PIK3C2G: variants seen among roughly 807,000 people sequenced by gnomAD.
The protein encoded by PIK3C2G is phosphatidylinositol-4-phosphate 3-kinase catalytic subunit type 2 gamma.
PIK3C2G carries 168 observed loss-of-function variants against 181.1 expected under a neutral mutation model. That is an observed-to-expected ratio of 0.93 (90% CI 0.82 to 1.05). The LOEUF is 1.05. Among genes scored for constraint, PIK3C2G ranks in the 50% least tolerant of loss-of-function variants. The probability of loss-of-function intolerance (pLI) is 0.00; values close to 1 mark genes in which losing one functional copy is unlikely to be tolerated. For synonymous variants in PIK3C2G, 573 were observed against 592.2 expected (o/e 0.97, Z 0.47); for missense variants, 1,869 against 1,732.8 (o/e 1.08, Z -1.40).
chr12:18,695,151 G>A, the PIK3C2G span: 1 of 1,404,902 alleles, frequency 7.1e-7, no homozygotes, highest in South Asian at 1.2e-5. Context: ...ACCACTTACT[G>A]AAATCTAATA....
intron 31 of PIK3C2G, among the ~76,000 whole-genome samples, chr12:18,618,392 A>C (rs1017300799): frequency 6.6e-6 from 1 of 152,214 alleles, no homozygotes; most frequent in Non-Finnish European, 1.5e-5. Context: ...ATATCAGAAC[A>C]AAAAAGCCTT....
At chr12:18,361,599 G>A (rs1461723277) in intron 11 of PIK3C2G, among the ~76,000 whole-genome samples, 1 of 151,668 alleles carries the variant, frequency 6.6e-6, no homozygotes, top group African/African-American at 2.4e-5. Flanking sequence ...CCTTTCATAT[G>A]AGCACATCTT....
At chr12:18,358,676 C>T in intron 11 of PIK3C2G, 1 of 498,058 alleles carries the variant, frequency 2.0e-6, no homozygotes, top group Admixed American at 2.1e-5. Context: ...TCCTGTCCCA[C>T]AAAATCCTCA....
intron 29 of PIK3C2G, among the ~76,000 whole-genome samples, chr12:18,582,462 G>A (rs753922266): frequency 1.6e-4 from 25 of 152,030 alleles, no homozygotes; most frequent in African/African-American, 2.4e-4. Flanking sequence ...TTGGCGGAGC[G>A]GCCACTAAGA....
chr12:18,663,806 G>C, the PIK3C2G span, among the ~76,000 whole-genome samples: 1 of 151,942 alleles, frequency 6.6e-6, no homozygotes, highest in Non-Finnish European at 1.5e-5. Context: ...CAGAGAAAAA[G>C]GCAATATACA....
intron 29 of PIK3C2G, among the ~76,000 whole-genome samples, chr12:18,584,989 AT>A (rs1946696789): frequency 6.6e-6 from 1 of 152,204 alleles, no homozygotes; most frequent in African/African-American, 2.4e-5. Flanking sequence ...AAATAAGCAA[AT>A]GCTGATGGAG....
chr12:18,566,965 C>T lies in PIK3C2G; in HGVS notation c.3919C>T (p.His1307Tyr). The part of the protein sequence containing the change: ...LTLPEFPHWW[H>Y]LPFTNSDHRR... ...TTAAAACAGGTTTCCTCATTGGTGG[C>T]ACCTACCTTTTACAAATTCAGATCA... Residue 1307 changes from histidine to tyrosine, a missense_variant, in exon 29 of 33, where the codon CAC (histidine) becomes TAC (tyrosine). Physicochemically the swap from His to Tyr is moderately conservative, Grantham distance 83. Transcript: ENST00000538779. 1.3e-6 allele frequency: 2 copies of T among 1,590,556 alleles called. No individual in the cohort carries two copies. The highest frequency in any genetic ancestry group is 2.2e-5 in the South Asian group (2 of 89,924).
intron 24 of PIK3C2G, among the ~76,000 whole-genome samples, chr12:18,533,896 CAT>C (rs1360406206): frequency 2.1e-5 from 3 of 144,934 alleles, no homozygotes; most frequent in South Asian, 4.5e-4. Flanking sequence ...AGAAGGAAAA[CAT>C]GTGAAAGTAA....
At chr12:18,316,701 G>A (rs1429074732) in intron 6 of PIK3C2G, among the ~76,000 whole-genome samples, 1 of 152,004 alleles carries the variant, frequency 6.6e-6, no homozygotes, top group Non-Finnish European at 1.5e-5. Context: ...CTGCACTCCA[G>A]CCTGGGTGAC....
At chr12:18,431,121 G>A (rs1354489002) in intron 18 of PIK3C2G, among the ~76,000 whole-genome samples, 2 of 152,066 alleles carry the variant, frequency 1.3e-5, no homozygotes, top group Non-Finnish European at 2.9e-5. Context: ...CCTAATGCCT[G>A]AAATTCTCTC....
the PIK3C2G span, among the ~76,000 whole-genome samples, chr12:18,698,574 C>G: frequency 1.3e-5 from 2 of 152,236 alleles, no homozygotes; most frequent in Non-Finnish European, 2.9e-5. Flanking sequence ...TTTCTCAAGT[C>G]AATTGCAGGT....
chr12:18,258,185 G>A (rs1948167809), upstream of PIK3C2G, among the ~76,000 whole-genome samples: 2 of 152,048 alleles, frequency 1.3e-5, no homozygotes, highest in South Asian at 4.2e-4. Flanking sequence ...CTTTTATATT[G>A]TATATATTTA....
intron 18 of PIK3C2G, among the ~76,000 whole-genome samples, chr12:18,475,870 C>G (rs921800679): frequency 6.6e-6 from 1 of 151,850 alleles, no homozygotes; most frequent in East Asian, 1.9e-4. Context: ...GGCTCATATT[C>G]CAAAATTTTA....
At chr12:18,514,394 G>C (rs750537064) in intron 24 of PIK3C2G, among the ~76,000 whole-genome samples, 1 of 151,650 alleles carries the variant, frequency 6.6e-6, no homozygotes, top group Admixed American at 6.6e-5. Context: ...CTGAACACAG[G>C]GTCTTTCTAT....
intron 1 of PIK3C2G, among the ~76,000 whole-genome samples, chr12:18,263,054 T>A (rs1948317153): frequency 6.6e-6 from 1 of 152,178 alleles, no homozygotes; most frequent in Admixed American, 6.6e-5. Flanking sequence ...TATTATGATT[T>A]ATTTTTCTGT....
intron 31 of PIK3C2G, among the ~76,000 whole-genome samples, chr12:18,633,084 C>T (rs1949419679): frequency 6.6e-6 from 1 of 152,174 alleles, no homozygotes; most frequent in Admixed American, 6.5e-5. Flanking sequence ...CATGATACAA[C>T]TGTGCTCCAT....
chr12:18,274,319 T>C (rs1243780222), intron 1 of PIK3C2G, among the ~76,000 whole-genome samples: 2 of 152,180 alleles, frequency 1.3e-5, no homozygotes, highest in Non-Finnish European at 2.9e-5. Flanking sequence ...ACCCAAAGGA[T>C]TATAAATCAT....
chr12:18,572,516 T>G (rs1192967320), intron 29 of PIK3C2G, among the ~76,000 whole-genome samples: 3 of 151,340 alleles, frequency 2.0e-5, no homozygotes, highest in African/African-American at 7.3e-5. Flanking sequence ...TGCTGATACA[T>G]ATCTGGTTTT....
intron 12 of PIK3C2G, among the ~76,000 whole-genome samples, chr12:18,370,271 T>C (rs955964880): frequency 9.2e-5 from 14 of 152,296 alleles, no homozygotes; most frequent in Non-Finnish European, 1.9e-4. Flanking sequence ...TATGACCTTC[T>C]GGACACTTCC....
Sources: gnomAD v4.1 joint callset for allele counts (sites outside exome capture counted in the v4.1 genomes callset) on GRCh38, gnomAD v4.1.1 for gene constraint, MANE v1.5 for transcripts, NCBI Gene and HGNC (gene_info 2026-07-23, HGNC 2026-07-21) for gene names.